REC114: variants seen among roughly 807,000 people sequenced by gnomAD.
REC114 encodes the protein meiotic recombination protein REC114.
A neutral mutation model predicts 31.3 loss-of-function variants in REC114; 27 were observed. The observed-to-expected ratio is 0.86, with a 90% CI of 0.64 to 1.19. REC114 has a LOEUF of 1.19. Among genes scored for constraint, REC114 ranks in the 50% most tolerant of loss-of-function variants. REC114 has a pLI of 0.00. For synonymous variants in REC114, 134 were observed against 127.7 expected, an observed-to-expected ratio of 1.05 and a Z score of -0.33; for missense variants, 344 against 326.9, an observed-to-expected ratio of 1.05 and a Z score of -0.40.
At chr15:73,521,742 C>A (rs1186547268) in intron 2 of REC114, among the ~76,000 whole-genome samples, 1 of 152,006 alleles carries the variant, frequency 6.6e-6, no homozygotes, top group African/African-American at 2.4e-5. Context: ...TTGAAAAATA[C>A]AACTTACCAA....
At chr15:73,453,356 ATAT>A (rs1892877205) in intron 1 of REC114, among the ~76,000 whole-genome samples, 1 of 152,228 alleles carries the variant, frequency 6.6e-6, no homozygotes, top group South Asian at 2.1e-4. Context: ...CAGCCAACAA[ATAT>A]ATGTAAAAAA....
rs756772494 is a variant in REC114 at position 73,526,041 on chromosome 15, C to T, written c.250-14444C>T. ...GGTACAAGCACATTCAGGATTGTTA[C>T]GTTTTCTTGATTAATTTAACCCTTT... On this transcript the variant is annotated intron_variant, in intron 2 of 5. Coordinates refer to ENST00000331090, the MANE Select transcript of REC114 (RefSeq NM_001042367.2). Among the ~76,000 whole-genome samples, 98 of 152,216 alleles carry T rather than the reference C, an allele frequency of 6.4e-4. 1 individual carries two copies. Among genetic ancestry groups the T allele is most frequent in the Non-Finnish European group, 8.5e-4 (58 of 67,988 alleles).
chr15:73,488,202 A>T (rs553651069), intron 2 of REC114, among the ~76,000 whole-genome samples: 2 of 152,238 alleles, frequency 1.3e-5, no homozygotes, highest in Non-Finnish European at 2.9e-5. Flanking sequence ...TTGTGGACCT[A>T]TGATGGGTGT....
At chr15:73,515,616 C>T (rs1347924180) in intron 2 of REC114, among the ~76,000 whole-genome samples, 3 of 151,990 alleles carry the variant, frequency 2.0e-5, no homozygotes, top group Admixed American at 1.3e-4. Context: ...GAGATTAGTG[C>T]TTTTATAAGA....
At chr15:73,522,378 G>A (rs896361312) in intron 2 of REC114, among the ~76,000 whole-genome samples, 3 of 152,092 alleles carry the variant, frequency 2.0e-5, no homozygotes, top group Admixed American at 6.5e-5. Flanking sequence ...TACATGCAAC[G>A]AAAGGCATCT....
intron 2 of REC114, among the ~76,000 whole-genome samples, chr15:73,521,715 T>C (rs1196104269): frequency 6.6e-6 from 1 of 152,120 alleles, no homozygotes; most frequent in Non-Finnish European, 1.5e-5. Flanking sequence ...TTTGATTGGA[T>C]GAAATGCACA....
chr15:73,537,142 C>A (rs561363539), intron 2 of REC114, among the ~76,000 whole-genome samples: 1 of 152,248 alleles, frequency 6.6e-6, no homozygotes, highest in African/African-American at 2.4e-5. Context: ...CCTCTTGGGG[C>A]TTATAGTCTA....
chr15:73,459,327 T>G (rs1487640733), intron 1 of REC114, among the ~76,000 whole-genome samples: 1 of 150,690 alleles, frequency 6.6e-6, no homozygotes, highest in Non-Finnish European at 1.5e-5. Flanking sequence ...CCTCGCAGGG[T>G]CAAGCGATTC....
intron 1 of REC114, among the ~76,000 whole-genome samples, chr15:73,462,364 G>A (rs1893000848): frequency 6.6e-6 from 1 of 151,882 alleles, no homozygotes; most frequent in Admixed American, 6.6e-5. Flanking sequence ...ATTATGTTAG[G>A]TGTTATGATA....
Position 73,559,874 on chromosome 15 carries a change from G to C in REC114, c.759G>C (p.Glu253Asp), listed in dbSNP as rs781115268. The change falls in exon 6 of 6, where the codon GAG becomes GAC. Residue 253 changes from glutamate to aspartate, a missense_variant. Glu to Asp is a conservative substitution (Grantham distance 45). Coordinates refer to ENST00000331090, the MANE Select transcript of REC114 (RefSeq NM_001042367.2). ...AGAATTTCCCAGCATTTGTGGAAGA[G>C]GTAGAAAAGGAACTGAAAAAGCTGG... ...MDQNFPAFVE[E>D]VEKELKKLAG... 9 of 1,612,038 alleles carry C rather than the reference G, an allele frequency of 5.6e-6. No individual in the cohort carries two copies. Among genetic ancestry groups the C allele is most frequent in the Non-Finnish European group, 6.8e-6 (8 of 1,178,970 alleles).
chr15:73,521,756 T>C (rs1486651751), intron 2 of REC114, among the ~76,000 whole-genome samples: 1 of 152,186 alleles, frequency 6.6e-6, no homozygotes, highest in Admixed American at 6.5e-5. Flanking sequence ...TTACCAAAGC[T>C]AACAGAAGAA....
intron 1 of REC114, among the ~76,000 whole-genome samples, chr15:73,460,425 C>T (rs1892974411): frequency 2.0e-5 from 3 of 152,128 alleles, no homozygotes; most frequent in African/African-American, 7.2e-5. Context: ...AAGAGCTAGC[C>T]AATTAAGCTC....
chr15:73,464,237 A>G (rs992390571), intron 1 of REC114, among the ~76,000 whole-genome samples: 16 of 151,950 alleles, frequency 1.1e-4, no homozygotes, highest in African/African-American at 2.4e-4. Context: ...TGTCCATCCA[A>G]TTCTTCAATT....
At chr15:73,474,432 T>C (rs1567859142) in intron 2 of REC114, among the ~76,000 whole-genome samples, 1 of 152,140 alleles carries the variant, frequency 6.6e-6, no homozygotes, top group East Asian at 1.9e-4. Context: ...AAGAATCAAC[T>C]TGGTTGAAAG....
intron 3 of REC114, among the ~76,000 whole-genome samples, chr15:73,544,529 C>A (rs1250642107): frequency 1.3e-5 from 2 of 152,066 alleles, no homozygotes; most frequent in African/African-American, 4.8e-5. Flanking sequence ...GTAGGCTTCC[C>A]TTTTTCCAGC....
At chr15:73,449,658 A>ACTCCTCCTC (rs1892817270) in intron 1 of REC114, among the ~76,000 whole-genome samples, 1 of 152,070 alleles carries the variant, frequency 6.6e-6, no homozygotes. Flanking sequence ...CCAGAAAGAT[A>ACTCCTCCTC]CTCCTCGAGA....
At chr15:73,485,799 T>C (rs565566111) in intron 2 of REC114, among the ~76,000 whole-genome samples, 121 of 152,326 alleles carry the variant, frequency 7.9e-4, no homozygotes, top group Non-Finnish European at 1.0e-3. Flanking sequence ...TTTATAGTAA[T>C]GTAGGAATAG....
At chr15:73,443,380 C>T (rs1423832148) in intron 1 of REC114, 36 bp downstream of exon 1, 1 of 1,538,552 alleles carries the variant, frequency 6.5e-7, no homozygotes, top group Non-Finnish European at 8.7e-7. Context: ...CTGAGGTGCC[C>T]ACAGCCCTCA....
chr15:73,536,042 C>T (rs373845033), intron 2 of REC114, among the ~76,000 whole-genome samples: 9 of 151,256 alleles, frequency 6.0e-5, no homozygotes, highest in African/African-American at 9.7e-5. Context: ...GGATTAAAGA[C>T]TTAAACGTTA....
Sources: allele counts gnomAD v4.1 joint callset (sites outside exome capture counted in the v4.1 genomes callset), GRCh38; gene constraint gnomAD v4.1.1; transcripts MANE v1.5; gene names NCBI Gene and HGNC (gene_info 2026-07-23, HGNC 2026-07-21).